The following SHPK variants were observed in gnomAD, a reference collection of about 807,000 sequenced individuals.
SHPK encodes carbohydrate kinase-like protein.
A neutral mutation model predicts 46.3 loss-of-function variants in SHPK; 51 were observed. That is an observed-to-expected ratio of 1.10 (90% confidence interval 0.88 to 1.39). SHPK has a LOEUF of 1.39. Ranked by LOEUF, SHPK falls within the 40% of genes most tolerant of loss-of-function variation. The probability of loss-of-function intolerance (pLI) is 0.00; values close to 1 mark genes in which losing one functional copy is unlikely to be tolerated. For missense variants in SHPK, 668 were observed against 641.3 expected (o/e 1.04, Z -0.45); for synonymous variants, 290 against 273.9 (o/e 1.06, Z -0.58).
chr17:3,620,375 C>G (rs2075393098), intron 5 of SHPK, among the ~76,000 whole-genome samples: 1 of 151,974 alleles, frequency 6.6e-6, no homozygotes, highest in South Asian at 2.1e-4. Context: ...ATTCTCCTGC[C>G]TCAGCCTCCC....
intron 5 of SHPK, chr17:3,619,553 T>C (rs2075387827): frequency 4.3e-6 from 2 of 467,770 alleles, no homozygotes; most frequent in East Asian, 4.5e-5. Flanking sequence ...GCCAACATGG[T>C]GAAACCCCGT....
chr17:3,636,201 T>C lies in SHPK; in HGVS notation c.19A>G (p.Thr7Ala). The C allele has an allele frequency of 6.2e-7, 1 of 1,604,648 alleles. No homozygotes were observed. Among genetic ancestry groups the C allele is most frequent in the East Asian group, 2.3e-5 (1 of 44,330 alleles). ...GTGGTGCCCAGGTCAATGCCGAGGGTGATCGGCCGCGCAGCCATTATCTCC... is the reference window on the plus strand; with the variant it reads ...GTGGTGCCCAGGTCAATGCCGAGGGCGATCGGCCGCGCAGCCATTATCTCC... MAARPITLGIDLGTTSV... is the reference protein window; with the variant it reads MAARPIALGIDLGTTSV... Residue 7 changes from threonine (T) to alanine (A), a missense_variant, in exon 1 of 7, where the codon ACC (threonine) becomes GCC (alanine). Thr to Ala is a moderately conservative substitution (Grantham distance 58). Coordinates refer to ENST00000225519, the MANE Select transcript of SHPK (RefSeq NM_013276.4).
chr17:3,626,283 T>G (rs969941487), intron 2 of SHPK, among the ~76,000 whole-genome samples: 2 of 152,216 alleles, frequency 1.3e-5, no homozygotes, highest in Non-Finnish European at 2.9e-5. Flanking sequence ...CCTTTCAGGC[T>G]GGGGTGTTCT....
At position 3,630,194 on chromosome 17, in the gene SHPK, G is replaced by A. The variant is rs566360940; in HGVS notation, c.310+11C>T. On this transcript the variant is annotated intron_variant, in intron 2 of 6. Coordinates refer to ENST00000225519, the MANE Select transcript of SHPK (RefSeq NM_013276.4). The stretch of plus-strand genomic sequence containing the variant: ...GCTACCAGCCTGAGAGCATCCCCGA[G>A]CCCAGCATACCTTGGCCTGTTTTCC... 1.3e-4 allele frequency: 202 copies of A among 1,613,878 alleles called. 7 individuals carry two copies. In the South Asian group the frequency reaches 1.3e-3, roughly 11 times the overall value.
chr17:3,618,649 G>T (rs57307520), intron 5 of SHPK, among the ~76,000 whole-genome samples: 23,530 of 151,878 alleles, frequency 0.15, 5,113 homozygotes, highest in African/African-American at 0.49. Context: ...GTGTGGTGGC[G>T]TGCGCCTGTA....
chr17:3,630,192 G>C lies in SHPK; in HGVS notation c.310+13C>G, dbSNP rs368352181. On this transcript the variant is annotated intron_variant, in intron 2 of 6. Transcript: ENST00000225519. ...CTGCTACCAGCCTGAGAGCATCCCC[G>C]AGCCCAGCATACCTTGGCCTGTTTT... 2 of 1,613,826 alleles carry C rather than the reference G, an allele frequency of 1.2e-6. No individual in the cohort carries two copies. The highest frequency in any genetic ancestry group is 1.3e-5 in the African/African-American group (1 of 75,016).
Position 3,635,232 on chromosome 17 carries a change from A to AG in SHPK, c.168+819dup, listed in dbSNP as rs1159272373. Among the ~76,000 whole-genome samples the AG allele has an allele frequency of 1.8e-3, 235 of 132,434 alleles. 1 individual carries two copies. Among genetic ancestry groups the AG allele is most frequent in the African/African-American group, 5.6e-3 (220 of 38,986 alleles). The allele number at this position is 132,434 out of a possible 152,430, so 86.9% of individuals were successfully genotyped here. On this transcript the variant is annotated intron_variant, in intron 1 of 6. Transcript: ENST00000225519. ...AAGGAAGGAAGGAAGGAAGGAAGGA[A>AG]GGAAGGAAGGAAGGGAAGGAAGGGA...
chr17:3,615,192 G>A (rs1158935757), intron 6 of SHPK, 145 bp downstream of exon 6: 9 of 722,206 alleles, frequency 1.2e-5, no homozygotes, highest in East Asian at 2.7e-5. Flanking sequence ...GATCCCAAAG[G>A]ATGGGAGAAA....
intron 1 of SHPK, among the ~76,000 whole-genome samples, chr17:3,633,763 A>G (rs968482395): frequency 2.6e-5 from 4 of 152,040 alleles, no homozygotes; most frequent in Non-Finnish European, 4.4e-5. Flanking sequence ...CCGTCTGGGT[A>G]GTGTACCCAA....
In SHPK at chr17:3,624,082, C is replaced by G. The variant is rs912131163; in HGVS notation, c.460G>C (p.Gly154Arg). 6.2e-7 allele frequency: 1 copy of G among 1,613,268 alleles called. No homozygotes were observed. Among genetic ancestry groups the G allele is most frequent in the African/African-American group, 1.3e-5 (1 of 75,040 alleles). ...KSHLSVATGF[G>R]CATIFWLLKY... is the part of the protein sequence containing the mutation. ...AAAAGCCAGAAGATGGTTGCACAGC[C>G]GAAGCCCGTGGCCACACTGAGATGA... The change falls in exon 3 of 7, where the codon GGC becomes CGC. Residue 154 changes from glycine to arginine, a missense_variant. Physicochemically the swap from Gly to Arg is moderately radical, Grantham distance 125 (BLOSUM62 -2). Transcript: ENST00000225519.
intron 6 of SHPK, among the ~76,000 whole-genome samples, chr17:3,614,009 C>T (rs1012831914): frequency 1.3e-5 from 2 of 152,320 alleles, no homozygotes; most frequent in African/African-American, 4.8e-5. Context: ...AGAGTGCCTG[C>T]GTCCTCAGCT....
rs373827859 is a variant in SHPK at position 3,636,115 on chromosome 17, C to T, written c.105G>A (p.Leu35=). The T allele has an allele frequency of 8.5e-5, 136 of 1,609,068 alleles. No homozygotes were observed. Among genetic ancestry groups the T allele is most frequent in the Non-Finnish European group, 1.1e-4 (130 of 1,178,032 alleles). The part of the protein sequence containing the change: ...APDDPSGFAV[L]ASCARAARAE... ...CCCGCGCAGCACGGGCACAGCTCGC[C>T]AGCACTGCGAACCCGGATGGGTCGT... The change falls in exon 1 of 7, where the codon CTG becomes CTA. Residue 35 remains leucine, a synonymous_variant. Coordinates refer to ENST00000225519, the MANE Select transcript of SHPK (RefSeq NM_013276.4).
At chr17:3,620,487 CG>C (rs1431941899) in intron 5 of SHPK, among the ~76,000 whole-genome samples, 10 of 151,266 alleles carry the variant, frequency 6.6e-5, no homozygotes, top group African/African-American at 2.4e-4. Flanking sequence ...AGGATGGTCT[CG>C]ATCTCCTGAC....
intron 2 of SHPK, among the ~76,000 whole-genome samples, chr17:3,626,177 T>C (rs224516): frequency 1 from 152,234 of 152,348 alleles, 76,060 homozygotes; most frequent in Middle Eastern, 1. Context: ...TTTTGCTCTG[T>C]AAGCTTTTGG....
intron 1 of SHPK, among the ~76,000 whole-genome samples, chr17:3,635,236 A>AGGAAGGAAGGAAG (rs1555555998): frequency 1.5e-5 from 2 of 132,354 alleles, no homozygotes; most frequent in South Asian, 2.9e-4. Flanking sequence ...GAAGGAAGGA[A>AGGAAGGAAGGAAG]GGAAGGAAGG....
At chr17:3,624,899 C>G (rs781745024) in intron 2 of SHPK, among the ~76,000 whole-genome samples, 6 of 152,150 alleles carry the variant, frequency 3.9e-5, no homozygotes, top group Non-Finnish European at 7.4e-5. Flanking sequence ...AGGCAATCCA[C>G]CCACCTCAGC....
At position 3,635,207 on chromosome 17, in the gene SHPK, AAGGAAGG is replaced by A. The variant is rs1567688835; in HGVS notation, c.168+838_168+844del. 4.6e-4 allele frequency among the ~76,000 whole-genome samples: 57 copies of A among 122,864 alleles called. 2 individuals carry two copies. The highest frequency in any genetic ancestry group is 1.4e-3 in the Admixed American group (16 of 11,474). 80.6% of individuals were successfully genotyped at this position (122,864 alleles called of 152,430 possible). On this transcript the variant is annotated intron_variant, in intron 1 of 6. Coordinates refer to ENST00000225519, the MANE Select transcript of SHPK (RefSeq NM_013276.4). Reference sequence around the variant, plus strand: ...AAAGGAAAGAATGAAGGAAGGAAGGAAGGAAGGAAGGAAGGAAGGAAGGAAGGAAGGA... The same window carrying A: ...AAAGGAAAGAATGAAGGAAGGAAGGAAAGGAAGGAAGGAAGGAAGGAAGGA...
chr17:3,621,458 C>T (rs779282632), intron 4 of SHPK, 46 bp from the exon 5 acceptor site: 32 of 1,577,276 alleles, frequency 2.0e-5, no homozygotes, highest in Middle Eastern at 1.7e-4. Context: ...AGTTAGGTTT[C>T]GGGAATTTAA....
chr17:3,621,619 C>CCCTCCCTTCTTT (rs1555554365), intron 4 of SHPK, among the ~76,000 whole-genome samples: 1 of 112,186 alleles, frequency 8.9e-6, no homozygotes, highest in Non-Finnish European at 1.8e-5. Context: ...CTCCCTCCCT[C>CCCTCCCTTCTTT]CCTTCCTTCC....
Sources: gnomAD v4.1 joint callset for allele counts (sites outside exome capture counted in the v4.1 genomes callset) on GRCh38, gnomAD v4.1.1 for gene constraint, MANE v1.5 for transcripts, NCBI Gene and HGNC (gene_info 2026-07-23, HGNC 2026-07-21) for gene names.